Variants in NEMP2 observed in about 807,000 individuals in gnomAD.
The protein encoded by NEMP2 is UPF0571 transmembrane protein.
NEMP2 carries 53 observed loss-of-function variants against 54.2 expected under a neutral mutation model. The observed-to-expected ratio is 0.98, with a 90% CI of 0.78 to 1.23. The LOEUF (loss-of-function observed/expected upper bound fraction) is 1.23. Among genes scored for constraint, NEMP2 ranks in the 50% most tolerant of loss-of-function variants. The pLI is 0.00. For missense variants in NEMP2, 455 were observed against 511.3 expected (o/e 0.89, Z 1.06); for synonymous variants, 197 against 190.3 (o/e 1.04, Z -0.29).
downstream of NEMP2, chr2:190,500,211 G>A (rs1486226243): frequency 1.4e-5 from 23 of 1,614,008 alleles, no homozygotes; most frequent in Non-Finnish European, 1.8e-5. The surrounding 1 kb of genome is among the most constrained non-coding windows in gnomAD (Gnocchi z 5.3). Flanking sequence ...GCCGCGGGAG[G>A]ACACTGAGGG....
the NEMP2 span, among the ~76,000 whole-genome samples, chr2:190,443,274 G>T: frequency 6.6e-6 from 1 of 152,156 alleles, no homozygotes; most frequent in African/African-American, 2.4e-5. This position sits in a 1 kb window ranked among gnomAD's most constrained non-coding sequence, Gnocchi z 4.2. Flanking sequence ...TCTGCAACTT[G>T]GAACTATATG....
the NEMP2 span, among the ~76,000 whole-genome samples, chr2:190,580,818 G>A: frequency 6.6e-6 from 1 of 152,144 alleles, no homozygotes; most frequent in Admixed American, 6.5e-5. The surrounding 1 kb of genome is among the most constrained non-coding windows in gnomAD (Gnocchi z 5.3). Context: ...TTGTAAGAAG[G>A]GTCTCCATCT....
the NEMP2 span, among the ~76,000 whole-genome samples, chr2:190,597,882 TG>T: frequency 6.6e-6 from 1 of 152,188 alleles, no homozygotes; most frequent in East Asian, 1.9e-4. This position sits in a 1 kb window ranked among gnomAD's most constrained non-coding sequence, Gnocchi z 4.7. Context: ...CCAGTTTACA[TG>T]GGTTTCAAAG....
chr2:190,516,225 T>C, intron 6 of NEMP2, 45 bp downstream of exon 6: 1 of 1,372,542 alleles, frequency 7.3e-7, no homozygotes, highest in Non-Finnish European at 1.0e-6. Flanking sequence ...GTTGTACATC[T>C]CAGTTTTACC....
chr2:190,545,194 C>T, the NEMP2 span, among the ~76,000 whole-genome samples: 1 of 152,110 alleles, frequency 6.6e-6, no homozygotes, highest in Non-Finnish European at 1.5e-5. Context: ...ATAAAATTTC[C>T]CAGCATTGGG....
chr2:190,483,384 C>A, the NEMP2 span, among the ~76,000 whole-genome samples: 1 of 152,210 alleles, frequency 6.6e-6, no homozygotes, highest in Non-Finnish European at 1.5e-5. Flanking sequence ...ACTCTCTTCT[C>A]TGTGTGACTC....
the NEMP2 span, among the ~76,000 whole-genome samples, chr2:190,615,094 G>C: frequency 7.2e-5 from 11 of 152,302 alleles, no homozygotes; most frequent in Admixed American, 2.0e-4. This position sits in a 1 kb window ranked among gnomAD's most constrained non-coding sequence, Gnocchi z 4.7. Flanking sequence ...CCAATTGTCT[G>C]ACACCAATTA....
At chr2:190,607,926 G>A in the NEMP2 span, 1 of 152,182 alleles carries the variant, frequency 6.6e-6, no homozygotes, top group Non-Finnish European at 1.5e-5. The surrounding 1 kb of genome is among the most constrained non-coding windows in gnomAD (Gnocchi z 5.2). Flanking sequence ...GAAGACTGGT[G>A]TACAGTAGTC....
chr2:190,437,884 A>G, the NEMP2 span, among the ~76,000 whole-genome samples: 1 of 152,190 alleles, frequency 6.6e-6, no homozygotes, highest in African/African-American at 2.4e-5. This position sits in a 1 kb window ranked among gnomAD's most constrained non-coding sequence, Gnocchi z 5.9. Flanking sequence ...CAGCTTAGTG[A>G]ACATATTATT....
At chr2:190,609,370 C>T in the NEMP2 span, 1 of 152,144 alleles carries the variant, frequency 6.6e-6, no homozygotes, top group African/African-American at 2.4e-5. This position sits in a 1 kb window ranked among gnomAD's most constrained non-coding sequence, Gnocchi z 4.7. Context: ...TATCTTGTCT[C>T]CTGCTAAATC....
chr2:190,426,965 G>A, the NEMP2 span, among the ~76,000 whole-genome samples: 12 of 152,220 alleles, frequency 7.9e-5, no homozygotes, highest in Non-Finnish European at 2.9e-5. The surrounding 1 kb of genome is among the most constrained non-coding windows in gnomAD (Gnocchi z 4.7). Flanking sequence ...TTGGATACCT[G>A]AAGGTGAAAG....
At chr2:190,501,154 T>G (rs919739276), downstream of NEMP2, 3 of 152,222 alleles carry the variant, frequency 2.0e-5, no homozygotes, top group African/African-American at 7.2e-5. Context: ...CAGTACTAGT[T>G]ACAAATCACA....
chr2:190,436,394 G>T, the NEMP2 span: 1 of 1,614,194 alleles, frequency 6.2e-7, no homozygotes, highest in Non-Finnish European at 8.5e-7. This position sits in a 1 kb window ranked among gnomAD's most constrained non-coding sequence, Gnocchi z 5.3. Flanking sequence ...CCCTTTTGGG[G>T]TGTAGTTGCA....
Position 190,513,943 on chromosome 2 carries a change from G to C in NEMP2, c.953+510C>G, listed in dbSNP as rs541402557. 1.2e-4 allele frequency among the ~76,000 whole-genome samples: 19 copies of C among 152,214 alleles called. No homozygotes were observed. Among genetic ancestry groups the C allele is most frequent in the African/African-American group, 3.9e-4 (16 of 41,536 alleles). ...AATGACTGAGGAGAAACATAACAAA[G>C]CTGTCACAATAGAGGTTACTTCATT... On this transcript the variant is annotated intron_variant, in intron 7 of 8. Transcript: ENST00000409150. This position sits in a 1 kb window ranked among gnomAD's most constrained non-coding sequence, Gnocchi z 5.3.
In NEMP2 at chr2:190,533,634, C is replaced by T. The variant is rs1188343737; in HGVS notation, c.97+925G>A. Among the ~76,000 whole-genome samples, 1 of 152,072 alleles carries T rather than the reference C, an allele frequency of 6.6e-6. No individual in the cohort carries two copies. Among genetic ancestry groups the T allele is most frequent in the East Asian group, 1.9e-4 (1 of 5,204 alleles). ...TCTCATTCATCCTTAGATAAAAAAC[C>T]GCGGTATAACCGGAGGGAGGGCCAT... On this transcript the variant is annotated intron_variant, in intron 1 of 8. Transcript: ENST00000409150. The surrounding 1 kb of genome is among the most constrained non-coding windows in gnomAD (Gnocchi z 4.3).
the NEMP2 span, among the ~76,000 whole-genome samples, chr2:190,480,230 T>C: frequency 3.3e-5 from 5 of 152,286 alleles, no homozygotes; most frequent in African/African-American, 1.2e-4. Context: ...GGGGAAGAAA[T>C]ACTAGTTTTA....
At chr2:190,434,982 C>T in the NEMP2 span, among the ~76,000 whole-genome samples, 2 of 152,094 alleles carry the variant, frequency 1.3e-5, no homozygotes, top group Non-Finnish European at 2.9e-5. This position sits in a 1 kb window ranked among gnomAD's most constrained non-coding sequence, Gnocchi z 4.3. Context: ...ACTGTGCATG[C>T]GAGGGATGTA....
chr2:190,431,545 A>G, the NEMP2 span, among the ~76,000 whole-genome samples: 5 of 152,194 alleles, frequency 3.3e-5, no homozygotes, highest in Admixed American at 2.0e-4. This position sits in a 1 kb window ranked among gnomAD's most constrained non-coding sequence, Gnocchi z 4.4. Context: ...TCCACCAAAA[A>G]AATACGAAAA....
chr2:190,427,201 C>T, the NEMP2 span, among the ~76,000 whole-genome samples: 2 of 152,246 alleles, frequency 1.3e-5, no homozygotes, highest in Non-Finnish European at 2.9e-5. Context: ...CCCATGTAAT[C>T]TCCACTGATA....
Sources: gnomAD v4.1 joint callset for allele counts (sites outside exome capture counted in the v4.1 genomes callset) on GRCh38, gnomAD v4.1.1 for gene constraint, Gnocchi (gnomAD v3.1) non-coding constraint, MANE v1.5 for transcripts, NCBI Gene and HGNC (gene_info 2026-07-23, HGNC 2026-07-21) for gene names.